Variants in NTM observed in about 807,000 individuals in gnomAD.
NTM encodes the protein neurotrimin.
Under a neutral mutation model 42.1 loss-of-function variants are expected in NTM, and 13 were observed. That is an observed-to-expected ratio of 0.31 (90% confidence interval 0.20 to 0.49). NTM has a LOEUF of 0.49. Ranked by LOEUF, NTM falls within the 20% of genes least tolerant of loss-of-function variation. The probability of loss-of-function intolerance (pLI) is 0.99; values close to 1 mark genes in which losing one functional copy is unlikely to be tolerated. For synonymous variants in NTM, 187 were observed against 179.2 expected (o/e 1.04, Z -0.35); for missense variants, 373 against 452.8 (o/e 0.82, Z 1.60).
chr11:132,325,700 A>G (rs1190639210), intron 7 of NTM, among the ~76,000 whole-genome samples: 3 of 152,208 alleles, frequency 2.0e-5, no homozygotes, highest in African/African-American at 7.2e-5. Context: ...TCATGCTGCT[A>G]TAAAGACACA....
intron 3 of NTM, among the ~76,000 whole-genome samples, chr11:132,147,210 TGTGTGA>T (rs1232828370): frequency 1.8e-4 from 23 of 126,240 alleles, no homozygotes; most frequent in Admixed American, 5.3e-4. Context: ...TGTGTGTGTG[TGTGTGA>T]GAGAGAGAGA....
At chr11:131,489,301 A>G (rs186308591) in intron 1 of NTM, among the ~76,000 whole-genome samples, 5 of 151,990 alleles carry the variant, frequency 3.3e-5, no homozygotes, top group South Asian at 2.1e-4. Context: ...AAAGCTTGTG[A>G]CTCAAATGCC....
intron 4 of NTM, among the ~76,000 whole-genome samples, chr11:132,251,034 A>G (rs542631508): frequency 6.6e-6 from 1 of 152,322 alleles, no homozygotes; most frequent in South Asian, 2.1e-4. Flanking sequence ...CTTCTGCAAG[A>G]TGACCGAGGT....
chr11:131,750,103 C>T (rs1036921199), intron 1 of NTM, among the ~76,000 whole-genome samples: 2 of 152,220 alleles, frequency 1.3e-5, no homozygotes, highest in African/African-American at 4.8e-5. Context: ...CACCTGCTTA[C>T]ACTCAACGGA....
chr11:131,996,509 C>A (rs1474329232), intron 2 of NTM, among the ~76,000 whole-genome samples: 1 of 152,192 alleles, frequency 6.6e-6, no homozygotes, highest in East Asian at 1.9e-4. Flanking sequence ...CCCGTCCATT[C>A]ATTAAGATGC....
At chr11:132,187,246 TGC>T (rs1555304739) in intron 3 of NTM, among the ~76,000 whole-genome samples, 1 of 145,536 alleles carries the variant, frequency 6.9e-6, no homozygotes, top group Non-Finnish European at 1.5e-5. Flanking sequence ...TGTGTGTGTG[TGC>T]GTGTGCGTGT....
rs556835825 is a variant in NTM, at chr11:131,920,186, T to C, written c.167+8538T>C. 3.3e-5 allele frequency among the ~76,000 whole-genome samples: 5 copies of C among 152,256 alleles called. No homozygotes were observed. In the South Asian group the frequency reaches 1.0e-3, roughly 32 times the overall value. On this transcript the variant is annotated intron_variant, in intron 2 of 8. Coordinates refer to ENST00000683400, the MANE Select transcript of NTM (RefSeq NM_001352005.2). Reference sequence around the variant, plus strand: ...AGACCCCTTTTCCTTGGAGAAATGATTTTTCCATGATAATTCCAGTGGAGT... The same window carrying C: ...AGACCCCTTTTCCTTGGAGAAATGACTTTTCCATGATAATTCCAGTGGAGT...
intron 1 of NTM, among the ~76,000 whole-genome samples, chr11:131,479,074 G>A (rs1244103962): frequency 6.6e-6 from 1 of 152,148 alleles, no homozygotes; most frequent in East Asian, 1.9e-4. Flanking sequence ...GAGCATTCTG[G>A]CCATGATGAC....
chr11:131,822,510 A>C (rs914851882), intron 1 of NTM, among the ~76,000 whole-genome samples: 3 of 152,274 alleles, frequency 2.0e-5, no homozygotes, highest in African/African-American at 7.2e-5. Context: ...CAGTGTGAAG[A>C]ATAAGAACGC....
At position 131,979,007 on chromosome 11, in the gene NTM, G is replaced by C. The variant is rs548080600; in HGVS notation, c.167+67359G>C. 5.3e-5 allele frequency among the ~76,000 whole-genome samples: 8 copies of C among 152,196 alleles called. No individual in the cohort carries two copies. In the East Asian group the frequency reaches 1.4e-3, roughly 26 times the overall value. ...CCCTTGTTTTTTAAGTGAGGGTACAGAGCCTCCGAGAGCATGTAAATCGCT... is the reference window on the plus strand; with the variant it reads ...CCCTTGTTTTTTAAGTGAGGGTACACAGCCTCCGAGAGCATGTAAATCGCT... On this transcript the variant is annotated intron_variant, in intron 2 of 8. Transcript: ENST00000683400.
intron 2 of NTM, among the ~76,000 whole-genome samples, chr11:132,125,343 G>A (rs1234459438): frequency 2.1e-5 from 3 of 142,330 alleles, no homozygotes; most frequent in Admixed American, 1.5e-4. Flanking sequence ...GGTGTGGTAT[G>A]TGATTGTGTA....
At chr11:131,561,093 A>G (rs1399460831) in intron 1 of NTM, among the ~76,000 whole-genome samples, 1 of 152,218 alleles carries the variant, frequency 6.6e-6, no homozygotes, top group African/African-American at 2.4e-5. Context: ...TGCAATCTGA[A>G]GGGAACAAGC....
chr11:131,960,527 G>A (rs182665279), intron 2 of NTM, among the ~76,000 whole-genome samples: 187 of 91,386 alleles, frequency 2.0e-3, no homozygotes, highest in African/African-American at 8.5e-3. Flanking sequence ...CCAGGAGCTG[G>A]CCCCATCCCC....
At chr11:132,117,782 G>A (rs778881045) in intron 2 of NTM, among the ~76,000 whole-genome samples, 2 of 152,156 alleles carry the variant, frequency 1.3e-5, no homozygotes, top group African/African-American at 4.8e-5. Context: ...TTACTGCTCT[G>A]TTTCTGAATC....
At chr11:131,954,287 C>A (rs1347690740) in intron 2 of NTM, among the ~76,000 whole-genome samples, 1 of 152,202 alleles carries the variant, frequency 6.6e-6, no homozygotes, top group South Asian at 2.1e-4. Context: ...CGGGGAGAGG[C>A]AGGGCTAGCC....
At chr11:131,962,680 T>C (rs1354320683) in intron 2 of NTM, among the ~76,000 whole-genome samples, 1 of 152,214 alleles carries the variant, frequency 6.6e-6, no homozygotes, top group African/African-American at 2.4e-5. Flanking sequence ...ACACTAATGT[T>C]TGCAATCCAC....
intron 1 of NTM, among the ~76,000 whole-genome samples, chr11:131,908,808 A>G (rs1592745417): frequency 1.3e-5 from 2 of 152,226 alleles, no homozygotes; most frequent in African/African-American, 4.8e-5. Flanking sequence ...AAATGGAGAC[A>G]CAATAGAATC....
intron 1 of NTM, among the ~76,000 whole-genome samples, chr11:131,802,983 T>C (rs1342152500): frequency 6.6e-6 from 1 of 152,150 alleles, no homozygotes; most frequent in Non-Finnish European, 1.5e-5. Context: ...AGCTCCAGAT[T>C]GTCGAGTACT....
chr11:131,942,604 A>G (rs1270766873), intron 2 of NTM, among the ~76,000 whole-genome samples: 8 of 152,172 alleles, frequency 5.3e-5, no homozygotes, highest in African/African-American at 1.9e-4. Context: ...CTGTGGATCC[A>G]GGAAGATGAT....
Sources: gnomAD v4.1 joint callset for allele counts (sites outside exome capture counted in the v4.1 genomes callset) on GRCh38, gnomAD v4.1.1 for gene constraint, MANE v1.5 for transcripts, NCBI Gene and HGNC (gene_info 2026-07-23, HGNC 2026-07-21) for gene names.